Variants in ZMIZ1 observed in about 807,000 individuals in gnomAD.
ZMIZ1 encodes the protein zinc finger MIZ-type containing 1.
In ZMIZ1, 17 loss-of-function variants were observed where a neutral mutation model predicts 113.9. The ratio of observed to expected loss-of-function variants is 0.15; its 90% CI spans 0.10 to 0.22. The LOEUF (loss-of-function observed/expected upper bound fraction) is 0.22. Among genes scored for constraint, ZMIZ1 ranks in the 10% least tolerant of loss-of-function variants. The probability of loss-of-function intolerance (pLI) is 1.00; values close to 1 mark genes in which losing one functional copy is unlikely to be tolerated. For missense variants in ZMIZ1, 1,059 were observed against 1,477.8 expected (o/e 0.72, Z 4.65); for synonymous variants, 607 against 603.1 (o/e 1.01, Z -0.09).
intron 7 of ZMIZ1, chr10:79,243,543 C>T (rs959512920): frequency 2.7e-5 from 4 of 146,614 alleles, no homozygotes; most frequent in South Asian, 4.1e-4. Context: ...GAGCGGGCGC[C>T]GGACCCGCCC....
intron 4 of ZMIZ1, among the ~76,000 whole-genome samples, chr10:79,179,710 T>C (rs1847031015): frequency 6.6e-6 from 1 of 152,272 alleles, no homozygotes; most frequent in African/African-American, 2.4e-5. Context: ...CTCTCTGCCC[T>C]GCTCCACACT....
At chr10:79,259,024 C>A (rs1364405315) in intron 7 of ZMIZ1, among the ~76,000 whole-genome samples, 2 of 152,038 alleles carry the variant, frequency 1.3e-5, no homozygotes, top group Admixed American at 6.6e-5. Context: ...AATTTGTAGG[C>A]GAGGGGAGGA....
At chr10:79,254,413 C>T (rs75318397) in intron 7 of ZMIZ1, among the ~76,000 whole-genome samples, 7,353 of 152,326 alleles carry the variant, frequency 0.048, 245 homozygotes, top group Non-Finnish European at 0.076. Context: ...GTCAGGGTGC[C>T]CTGGGTTTAG....
rs1350490110 is a variant in ZMIZ1, at chr10:79,289,835, C to G, written c.486C>G (p.Gly162=). The G allele has an allele frequency of 6.2e-7, 1 of 1,614,132 alleles. No homozygotes were observed. Among genetic ancestry groups the G allele is most frequent in the East Asian group, 2.2e-5 (1 of 44,884 alleles). ...PWQQNTNQPP[G]SLSVVTTVWG... is the part of the protein sequence containing the mutation. Reference sequence around the variant, plus strand: ...AGCAGAACACCAACCAGCCTCCCGGCTCCCTTTCCGTGGTCACCACGGTTT... The same window carrying G: ...AGCAGAACACCAACCAGCCTCCCGGGTCCCTTTCCGTGGTCACCACGGTTT... The change falls in exon 9 of 25, where the codon GGC becomes GGG. Residue 162 remains glycine (G), a synonymous_variant. Transcript: ENST00000334512.
intron 2 of ZMIZ1, among the ~76,000 whole-genome samples, chr10:79,139,412 A>G (rs904278904): frequency 1.3e-5 from 2 of 152,222 alleles, no homozygotes; most frequent in African/African-American, 2.4e-5. Flanking sequence ...TAAGAAGAGA[A>G]AGACAACACA....
At chr10:79,094,512 C>A (rs1248156363) in intron 1 of ZMIZ1, among the ~76,000 whole-genome samples, 1 of 152,246 alleles carries the variant, frequency 6.6e-6, no homozygotes, top group East Asian at 1.9e-4. Flanking sequence ...GTACTGCTTA[C>A]TTCCCAGGTT....
At chr10:79,260,172 C>G (rs1232601200) in intron 7 of ZMIZ1, among the ~76,000 whole-genome samples, 1 of 152,238 alleles carries the variant, frequency 6.6e-6, no homozygotes, top group African/African-American at 2.4e-5. Flanking sequence ...CAGTGCCCTG[C>G]CTTCCATCAG....
intron 8 of ZMIZ1, among the ~76,000 whole-genome samples, chr10:79,284,844 A>C (rs1049846068): frequency 6.6e-6 from 1 of 152,158 alleles, no homozygotes; most frequent in Non-Finnish European, 1.5e-5. Context: ...GGGGTCCCTG[A>C]ATCTTTGCCA....
chr10:79,087,746 C>A (rs574465735), intron 1 of ZMIZ1, among the ~76,000 whole-genome samples: 1 of 152,206 alleles, frequency 6.6e-6, no homozygotes, highest in South Asian at 2.1e-4. Context: ...GTGCTTTGCA[C>A]GTTGTGTTCC....
rs139062575 is a variant in ZMIZ1 at position 79,246,118 on chromosome 10, T to C, written c.280+29844T>C. On this transcript the variant is annotated intron_variant, in intron 7 of 24. Transcript: ENST00000334512. The stretch of plus-strand genomic sequence containing the variant: ...GGAGTAGACCAGCCAGGCATTCCCA[T>C]TTAACACAGGAGAAAACTGAGGTTC... Among the ~76,000 whole-genome samples, 507 of 152,346 alleles carry C rather than the reference T, an allele frequency of 3.3e-3. 2 individuals are homozygous for C. The highest frequency in any genetic ancestry group is 0.012 in the African/African-American group (482 of 41,582).
At chr10:79,129,170 T>C (rs1306483224) in intron 2 of ZMIZ1, among the ~76,000 whole-genome samples, 6 of 151,642 alleles carry the variant, frequency 4.0e-5, no homozygotes, top group Admixed American at 3.3e-4. Flanking sequence ...CTCCCCCACC[T>C]CCCAGCAACC....
chr10:79,180,296 A>G (rs1847062917), intron 4 of ZMIZ1, among the ~76,000 whole-genome samples: 1 of 152,058 alleles, frequency 6.6e-6, no homozygotes, highest in Non-Finnish European at 1.5e-5. Flanking sequence ...ACCCTCCTTA[A>G]AGAGGCTGGG....
intron 2 of ZMIZ1, among the ~76,000 whole-genome samples, chr10:79,137,830 G>T (rs927422217): frequency 1.3e-5 from 2 of 150,052 alleles, no homozygotes; most frequent in South Asian, 2.1e-4. Context: ...CTCGGCTGGG[G>T]GGGGGGTGCT....
chr10:79,129,835 G>A (rs1417375274), intron 2 of ZMIZ1, among the ~76,000 whole-genome samples: 3 of 152,248 alleles, frequency 2.0e-5, no homozygotes. Flanking sequence ...GTGCATTGAT[G>A]GAGTGCACTG....
chr10:79,234,137 A>G (rs530762761), intron 7 of ZMIZ1, among the ~76,000 whole-genome samples: 27 of 152,288 alleles, frequency 1.8e-4, no homozygotes, highest in African/African-American at 5.3e-4. Context: ...AAGGGATGAC[A>G]TGGTCAGATT....
chr10:79,269,704 G>A (rs1421377816), intron 7 of ZMIZ1, among the ~76,000 whole-genome samples: 8 of 151,988 alleles, frequency 5.3e-5, no homozygotes, highest in Non-Finnish European at 1.2e-4. Flanking sequence ...ATTCCTGACC[G>A]CCAGATCTTA....
At chr10:79,297,896 G>T (rs1854012444) in intron 14 of ZMIZ1, among the ~76,000 whole-genome samples, 1 of 152,144 alleles carries the variant, frequency 6.6e-6, no homozygotes, top group South Asian at 2.1e-4. Flanking sequence ...TAAAGTGTCA[G>T]CCTGGCTAGT....
chr10:79,101,243 C>T (rs1843354298), intron 1 of ZMIZ1, among the ~76,000 whole-genome samples: 1 of 152,246 alleles, frequency 6.6e-6, no homozygotes, highest in Admixed American at 6.5e-5. Context: ...GGGTTCTCAG[C>T]ACAGGCAAAG....
chr10:79,311,277 C>T (rs1295815841), intron 24 of ZMIZ1, 93 bp downstream of exon 24: 28 of 776,912 alleles, frequency 3.6e-5, no homozygotes, highest in East Asian at 1.1e-4. Context: ...CTCGAGGCCC[C>T]GAAGGGAGGA....
Sources: gnomAD v4.1 joint callset for allele counts (sites outside exome capture counted in the v4.1 genomes callset) on GRCh38, gnomAD v4.1.1 for gene constraint, MANE v1.5 for transcripts, NCBI Gene and HGNC (gene_info 2026-07-23, HGNC 2026-07-21) for gene names.